ADAM22: variants seen among roughly 807,000 people sequenced by gnomAD.
The protein encoded by ADAM22 is disintegrin and metalloproteinase domain-containing protein 22.
Under a neutral mutation model 144.6 loss-of-function variants are expected in ADAM22, and 65 were observed. That is an observed-to-expected ratio of 0.45 (90% CI 0.37 to 0.55). The LOEUF (loss-of-function observed/expected upper bound fraction) is 0.55, where lower values mean the gene tolerates loss of function less well. Ranked by LOEUF, ADAM22 falls within the 20% of genes least tolerant of loss-of-function variation. ADAM22 has a pLI of 0.00. For missense variants in ADAM22, 974 were observed against 1,184.9 expected (o/e 0.82, Z 2.61); for synonymous variants, 391 against 412.6 (o/e 0.95, Z 0.63).
In ADAM22 at chr7:88,179,126, G is replaced by A; in HGVS notation, c.2492G>A (p.Ser831Asn). ...AGTCAGAACATTTCATTATTTTGCA[G>A]CAGGTTTGATTACTTCTTCCTTCTT... ...SISQNISLFCSRSNGLSHSWS... is the reference protein window; with the variant it reads ...SISQNISLFCNRSNGLSHSWS... Residue 831 changes from serine to asparagine, a missense_variant, in exon 27 of 32, where the codon AGC becomes AAC. Transcript: ENST00000413139. 8.6e-7 allele frequency: 1 copy of A among 1,156,682 alleles called. No individual in the cohort carries two copies. The highest frequency in any genetic ancestry group is 1.3e-6 in the Non-Finnish European group (1 of 779,244). The allele number at this position is 1,156,682 out of a possible 1,614,324, so 71.7% of individuals were successfully genotyped here.
At chr7:88,155,263 C>T (rs1224469424) in intron 21 of ADAM22, among the ~76,000 whole-genome samples, 1 of 151,882 alleles carries the variant, frequency 6.6e-6, no homozygotes, top group Non-Finnish European at 1.5e-5. Flanking sequence ...GCATCTCATG[C>T]TTATAATCCC....
At chr7:88,096,178 G>A (rs969494959) in intron 4 of ADAM22, among the ~76,000 whole-genome samples, 47 of 150,820 alleles carry the variant, frequency 3.1e-4, no homozygotes, top group Non-Finnish European at 5.2e-4. Flanking sequence ...TCGCCTCAGC[G>A]TCCCAAAGTG....
In ADAM22 at chr7:87,995,240, T is replaced by G. The variant is rs145290434; in HGVS notation, c.323+16828T>G. On this transcript the variant is annotated intron_variant, in intron 3 of 31. Transcript: ENST00000413139. ...TGCCTGGATGGAGTGGCATAGGATTTTCTTTCATGAACACCGTTGATTGCT... is the reference window on the plus strand; with the variant it reads ...TGCCTGGATGGAGTGGCATAGGATTGTCTTTCATGAACACCGTTGATTGCT... Among the ~76,000 whole-genome samples, 523 of 152,314 alleles carry G rather than the reference T, an allele frequency of 3.4e-3. 3 individuals carry two copies. Among genetic ancestry groups the G allele is most frequent in the African/African-American group, 0.011 (472 of 41,558 alleles).
intron 3 of ADAM22, among the ~76,000 whole-genome samples, chr7:88,020,386 G>A (rs1203915088): frequency 6.6e-6 from 1 of 152,166 alleles, no homozygotes; most frequent in Non-Finnish European, 1.5e-5. Context: ...GTTGAGAAGG[G>A]AGGGCTGGTG....
intron 4 of ADAM22, among the ~76,000 whole-genome samples, chr7:88,083,412 A>T (rs1316630408): frequency 6.6e-6 from 1 of 152,014 alleles, no homozygotes; most frequent in Non-Finnish European, 1.5e-5. Flanking sequence ...TGGGTGCAGC[A>T]CACCAACATG....
intron 26 of ADAM22, among the ~76,000 whole-genome samples, chr7:88,178,668 A>G (rs924159156): frequency 6.6e-5 from 10 of 152,150 alleles, no homozygotes; most frequent in African/African-American, 2.4e-4. Flanking sequence ...TGAAGTTACC[A>G]TGAAAACACT....
chr7:88,045,638 A>T (rs1245466751), intron 3 of ADAM22, among the ~76,000 whole-genome samples: 1 of 152,184 alleles, frequency 6.6e-6, no homozygotes, highest in Admixed American at 6.5e-5. Flanking sequence ...TTATTGCCCC[A>T]GTATAATTGG....
intron 17 of ADAM22, among the ~76,000 whole-genome samples, chr7:88,147,292 G>A (rs1485273108): frequency 6.6e-6 from 1 of 152,192 alleles, no homozygotes; most frequent in Non-Finnish European, 1.5e-5. Flanking sequence ...GCAGGACAGT[G>A]AATGGAGGAG....
chr7:88,098,330 C>T (rs1219857288), intron 4 of ADAM22, among the ~76,000 whole-genome samples: 1 of 152,078 alleles, frequency 6.6e-6, no homozygotes, highest in Non-Finnish European at 1.5e-5. Context: ...CCAGTTTCTA[C>T]CACTGAACCA....
chr7:88,155,988 G>A lies in ADAM22; in HGVS notation c.1889G>A (p.Gly630Glu), dbSNP rs201832352. The part of the protein sequence containing the change: ...EITSTLVVQQ[G>E]RTLNCSGGHV... Reference sequence around the variant, plus strand: ...ACATCTACTTTAGTTGTGCAGCAAGGAAGAACATTAAACTGCAGGTAATTA... The same window carrying A: ...ACATCTACTTTAGTTGTGCAGCAAGAAAGAACATTAAACTGCAGGTAATTA... The change falls in exon 22 of 32, where the codon GGA (glycine) becomes GAA (glutamate). Residue 630 changes from glycine (G) to glutamate (E), a missense_variant. By Grantham distance (98) the Gly-to-Glu change is moderately conservative. Coordinates refer to ENST00000413139, the MANE Select transcript of ADAM22 (RefSeq NM_001324418.2). 2.7e-4 allele frequency: 428 copies of A among 1,613,110 alleles called. No homozygotes were observed. Among genetic ancestry groups the A allele is most frequent in the Non-Finnish European group, 3.1e-4 (369 of 1,179,476 alleles).
intron 3 of ADAM22, among the ~76,000 whole-genome samples, chr7:88,012,356 G>A (rs1054626851): frequency 2.0e-5 from 3 of 151,950 alleles, no homozygotes; most frequent in African/African-American, 7.3e-5. Flanking sequence ...TGCTTGCTTT[G>A]TCTCTTCAGA....
chr7:88,061,435 T>C (rs1809831979), intron 3 of ADAM22, among the ~76,000 whole-genome samples: 1 of 152,204 alleles, frequency 6.6e-6, no homozygotes, highest in African/African-American at 2.4e-5. Context: ...ATGTATTTTT[T>C]AAATAATAAG....
chr7:88,149,089 T>A (rs375374604), intron 18 of ADAM22, 32 bp downstream of exon 18: 1 of 1,513,278 alleles, frequency 6.6e-7, no homozygotes, highest in South Asian at 1.1e-5. Context: ...CTAAAACTTA[T>A]GGGAAAAAGT....
At chr7:88,044,977 G>A (rs112739903) in intron 3 of ADAM22, among the ~76,000 whole-genome samples, 36,439 of 149,346 alleles carry the variant, frequency 0.24, 5,504 homozygotes, top group South Asian at 0.39. Flanking sequence ...CGCCCACCTC[G>A]GCCTCCCAAA....
chr7:87,974,232 A>G (rs1409523739), intron 2 of ADAM22, among the ~76,000 whole-genome samples: 1 of 150,090 alleles, frequency 6.7e-6, no homozygotes, highest in Non-Finnish European at 1.5e-5. Flanking sequence ...TGAACCTGGG[A>G]GGCAGAGCTT....
rs199864773 is a variant in ADAM22 at position 88,196,497 on chromosome 7, A to G, written c.*6A>G. ...TATGGGAGACATCCATTTAAGATCAACTGTTTACATGTGATACATCGAAAA... is the reference window on the plus strand; with the variant it reads ...TATGGGAGACATCCATTTAAGATCAGCTGTTTACATGTGATACATCGAAAA... On this transcript the variant is annotated 3_prime_UTR_variant, in exon 32 of 32. Transcript: ENST00000413139. 1.8e-4 allele frequency: 298 copies of G among 1,613,952 alleles called. 1 individual carries two copies. Among genetic ancestry groups the G allele is most frequent in the Non-Finnish European group, 3.1e-5 (36 of 1,179,998 alleles).
intron 3 of ADAM22, among the ~76,000 whole-genome samples, chr7:88,024,912 T>C (rs1798667714): frequency 6.6e-6 from 1 of 152,312 alleles, no homozygotes; most frequent in East Asian, 1.9e-4. Context: ...TAGTATTCCA[T>C]GGTGTATATG....
intron 2 of ADAM22, among the ~76,000 whole-genome samples, chr7:87,939,760 C>T (rs1284563310): frequency 6.6e-6 from 1 of 152,036 alleles, no homozygotes; most frequent in Admixed American, 6.5e-5. Context: ...GCCTTAATTA[C>T]CTGAGTTTAA....
chr7:87,981,752 T>C (rs192645936), intron 3 of ADAM22, among the ~76,000 whole-genome samples: 1 of 151,958 alleles, frequency 6.6e-6, no homozygotes, highest in African/African-American at 2.4e-5. Context: ...CTGAATTCAA[T>C]TGGAATTGAA....
Sources: allele counts gnomAD v4.1 joint callset (sites outside exome capture counted in the v4.1 genomes callset), GRCh38; gene constraint gnomAD v4.1.1; transcripts MANE v1.5; gene names NCBI Gene and HGNC (gene_info 2026-07-23, HGNC 2026-07-21).